OR4N2: variants seen among roughly 807,000 people sequenced by gnomAD.
OR4N2 encodes the protein olfactory receptor 4N2.
For missense variants in OR4N2, 307 were observed against 377.6 expected, an observed-to-expected ratio of 0.81 and a Z score of 1.55; for synonymous variants, 141 against 140.4, an observed-to-expected ratio of 1.00 and a Z score of -0.03.
intron 1 of OR4N2, among the ~76,000 whole-genome samples, chr14:19,815,956 A>G (rs1317067609): frequency 2.6e-5 from 4 of 152,192 alleles, no homozygotes; most frequent in Non-Finnish European, 5.9e-5. Flanking sequence ...TAAATAGGGA[A>G]TCCTTTTCCC....
In OR4N2 at chr14:19,828,202, G is replaced by T. The variant is rs367695246; in HGVS notation, c.754G>T (p.Gly252Ter). The T allele has an allele frequency of 1.9e-6, 3 of 1,614,022 alleles. No individual in the cohort carries two copies. The South Asian group carries it at 3.3e-5, about 18-fold the overall frequency. The change falls in exon 2 of 2, where the codon GGA becomes TGA. Residue 252 changes from glycine (G) to a stop codon, truncating the protein, a stop_gained. Coordinates refer to ENST00000557677, the MANE Select transcript of OR4N2 (RefSeq NM_001004723.3). LOFTEE classifies it low-confidence loss of function (END_TRUNC). ...TATCATTGTTATATTCTTCATGTTT[G>T]GACCTGGCATCTTCATCTACACGCG... ...THIIVIFFMF[G>*]PGIFIYTRPF...
intron 1 of OR4N2, among the ~76,000 whole-genome samples, chr14:19,809,628 A>T (rs1879248619): frequency 6.6e-6 from 1 of 152,252 alleles, no homozygotes; most frequent in Non-Finnish European, 1.5e-5. Flanking sequence ...TAACCAAAAC[A>T]GGATGGTACT....
chr14:19,812,026 G>A (rs1879308709), intron 1 of OR4N2, among the ~76,000 whole-genome samples: 1 of 152,108 alleles, frequency 6.6e-6, no homozygotes, highest in South Asian at 2.1e-4. Context: ...TATGTGTAGA[G>A]CATACTATGG....
intron 1 of OR4N2, among the ~76,000 whole-genome samples, chr14:19,809,573 G>A (rs1411471353): frequency 2.6e-5 from 4 of 152,142 alleles, no homozygotes; most frequent in African/African-American, 7.2e-5. Flanking sequence ...AACAAAGCTG[G>A]AGGCATCACA....
intron 1 of OR4N2, among the ~76,000 whole-genome samples, chr14:19,816,221 T>C (rs1488106417): frequency 6.6e-6 from 1 of 152,260 alleles, no homozygotes; most frequent in Non-Finnish European, 1.5e-5. Flanking sequence ...AGTCGTTTTT[T>C]CTAATTCTGT....
intron 1 of OR4N2, among the ~76,000 whole-genome samples, chr14:19,825,737 T>C (rs1879680449): frequency 6.6e-6 from 1 of 152,062 alleles, no homozygotes; most frequent in Non-Finnish European, 1.5e-5. Context: ...TTTGTATTTT[T>C]TTAGTAGAGA....
intron 1 of OR4N2, among the ~76,000 whole-genome samples, chr14:19,826,008 A>T (rs1352089484): frequency 4.6e-5 from 7 of 152,258 alleles, no homozygotes; most frequent in Admixed American, 2.0e-4. Context: ...ATATAACCTT[A>T]AATGTATGCA....
At chr14:19,808,832 AAG>A (rs1491057524) in intron 1 of OR4N2, among the ~76,000 whole-genome samples, 3 of 151,628 alleles carry the variant, frequency 2.0e-5, no homozygotes, top group Admixed American at 1.3e-4. Flanking sequence ...TGAAAAAAAA[AAG>A]TAAAAAAAAT....
At position 19,829,907 on chromosome 14, in the gene OR4N2, T is replaced by C. The variant is rs560147847; in HGVS notation, c.*1535T>C. The C allele has an allele frequency of 6.6e-6, 1 of 152,418 alleles. No homozygotes were observed. Among genetic ancestry groups the C allele is most frequent in the South Asian group, 2.1e-4 (1 of 4,834 alleles). 9.4% of individuals were successfully genotyped at this position (152,418 alleles called of 1,614,324 possible). On this transcript the variant is annotated 3_prime_UTR_variant, in exon 2 of 2. Coordinates refer to ENST00000557677, the MANE Select transcript of OR4N2 (RefSeq NM_001004723.3). ...TCCTTCTCTATTCTCACTCTGTTTATTGCGTTGCTTCCTGTTTTAGTGAGA... is the reference window on the plus strand; with the variant it reads ...TCCTTCTCTATTCTCACTCTGTTTACTGCGTTGCTTCCTGTTTTAGTGAGA...
At chr14:19,804,699 G>C (rs1879120739) in intron 1 of OR4N2, among the ~76,000 whole-genome samples, 1 of 152,230 alleles carries the variant, frequency 6.6e-6, no homozygotes, top group African/African-American at 2.4e-5. Context: ...GAGTACTGTA[G>C]ATGTCTGTTA....
Position 19,829,891 on chromosome 14 carries a change from A to C in OR4N2, c.*1519A>C, listed in dbSNP as rs1460919110. On this transcript the variant is annotated 3_prime_UTR_variant, in exon 2 of 2. Coordinates refer to ENST00000557677, the MANE Select transcript of OR4N2 (RefSeq NM_001004723.3). ...CTGAATCTTCAAATAATCCTTCTCT[A>C]TTCTCACTCTGTTTATTGCGTTGCT... 1 of 152,284 alleles carries C rather than the reference A, an allele frequency of 6.6e-6. No homozygotes were observed. The highest frequency in any genetic ancestry group is 1.5e-5 in the Non-Finnish European group (1 of 68,058). The allele number at this position is 152,284 out of a possible 1,614,324, so 9.4% of individuals were successfully genotyped here. A position where few individuals can be genotyped will look rare whatever the true frequency, so the allele number is the denominator to read the frequency against.
rs545465185 is a variant in OR4N2 at position 19,828,211 on chromosome 14, A to T, written c.763A>T (p.Ile255Phe). The T allele has an allele frequency of 2.5e-6, 4 of 1,614,162 alleles. No homozygotes were observed. The highest frequency in any genetic ancestry group is 3.3e-5 in the Admixed American group (2 of 60,018). ...IVIFFMFGPGIFIYTRPFRAF... is the reference protein window; with the variant it reads ...IVIFFMFGPGFFIYTRPFRAF... ...TATATTCTTCATGTTTGGACCTGGC[A>T]TCTTCATCTACACGCGCCCCTTCAG... The change falls in exon 2 of 2, where the codon ATC becomes TTC. Residue 255 changes from isoleucine (I) to phenylalanine (F), a missense_variant. Physicochemically the swap from Ile to Phe is conservative, Grantham distance 21. Transcript: ENST00000557677.
chr14:19,818,001 G>A (rs1219746307), intron 1 of OR4N2, among the ~76,000 whole-genome samples: 4 of 152,254 alleles, frequency 2.6e-5, no homozygotes. Context: ...GCGATTTTGA[G>A]TGAGTTTCTT....
intron 1 of OR4N2, among the ~76,000 whole-genome samples, chr14:19,814,134 A>T (rs1879369108): frequency 6.6e-6 from 1 of 152,152 alleles, no homozygotes. Context: ...CAAAGAAAAG[A>T]TTAAAATAAT....
intron 1 of OR4N2, among the ~76,000 whole-genome samples, chr14:19,817,224 G>T (rs1399094925): frequency 2.6e-5 from 4 of 152,140 alleles, no homozygotes; most frequent in African/African-American, 9.7e-5. Context: ...TTAGGGAGGA[G>T]TCCCTCTTTT....
At chr14:19,816,052 G>T (rs1345221210) in intron 1 of OR4N2, among the ~76,000 whole-genome samples, 1 of 152,204 alleles carries the variant, frequency 6.6e-6, no homozygotes, top group Non-Finnish European at 1.5e-5. Flanking sequence ...TGTTCCATTG[G>T]TCTATAGATC....
chr14:19,821,003 A>T (rs1323695544), intron 1 of OR4N2, among the ~76,000 whole-genome samples: 4 of 152,240 alleles, frequency 2.6e-5, no homozygotes, highest in African/African-American at 9.6e-5. Context: ...CATCTACCTC[A>T]GTGTCTGCCC....
chr14:19,810,960 A>C (rs1166751499), intron 1 of OR4N2, among the ~76,000 whole-genome samples: 2 of 152,266 alleles, frequency 1.3e-5, no homozygotes, highest in African/African-American at 4.8e-5. Context: ...CAAAATCTAA[A>C]TAGGAATATA....
chr14:19,812,432 C>G (rs2138466341), intron 1 of OR4N2, among the ~76,000 whole-genome samples: 1 of 151,720 alleles, frequency 6.6e-6, no homozygotes, highest in East Asian at 1.9e-4. Flanking sequence ...CGAGTTCACG[C>G]CATTCTCCTG....
Sources: allele counts gnomAD v4.1 joint callset (sites outside exome capture counted in the v4.1 genomes callset), GRCh38; gene constraint gnomAD v4.1.1; transcripts MANE v1.5; gene names NCBI Gene and HGNC (gene_info 2026-07-23, HGNC 2026-07-21).